Variants in PHLPP2 observed in about 807,000 individuals in gnomAD.
The protein encoded by PHLPP2 is PH domain and leucine rich repeat protein phosphatase 2.
Under a neutral mutation model 124.9 loss-of-function variants are expected in PHLPP2, and 66 were observed. The ratio of observed to expected loss-of-function variants is 0.53; its 90% CI spans 0.43 to 0.65. The LOEUF is 0.65. PHLPP2 is among the 30% of genes least tolerant of loss of function. The pLI is 0.00. For synonymous variants in PHLPP2, 681 were observed against 624.7 expected, an observed-to-expected ratio of 1.09 and a Z score of -1.34; for missense variants, 1,685 against 1,600.4, an observed-to-expected ratio of 1.05 and a Z score of -0.90.
intron 3 of PHLPP2, among the ~76,000 whole-genome samples, chr16:71,698,083 G>A (rs1178848413): frequency 2.6e-5 from 4 of 151,984 alleles, no homozygotes; most frequent in African/African-American, 9.7e-5. Context: ...TCCTGACCTC[G>A]TGATCCGCCT....
chr16:71,699,531 G>C (rs563551149), intron 3 of PHLPP2, among the ~76,000 whole-genome samples: 16 of 152,262 alleles, frequency 1.1e-4, no homozygotes, highest in African/African-American at 3.6e-4. Flanking sequence ...TCTTCACTGA[G>C]AGCTGCTTTC....
chr16:71,686,359 G>A (rs2045055044), intron 4 of PHLPP2, among the ~76,000 whole-genome samples: 5 of 151,978 alleles, frequency 3.3e-5, no homozygotes, highest in Admixed American at 3.3e-4. Flanking sequence ...TTTTTGTAGA[G>A]ACAGAGTCCC....
Position 71,690,556 on chromosome 16 carries a change from G to A in PHLPP2, c.572C>T (p.Thr191Ile), listed in dbSNP as rs757331662. ...LIVSSVKDCQ[T>I]GKMHILPLVG... Reference sequence around the variant, plus strand: ...CAGAGGCAAAATGTGCATCTTTCCAGTTTGACAATCCTTCACTGAGGAAAC... The same window carrying A: ...CAGAGGCAAAATGTGCATCTTTCCAATTTGACAATCCTTCACTGAGGAAAC... The change falls in exon 4 of 19, where the codon ACT becomes ATT. Residue 191 changes from threonine to isoleucine, a missense_variant. Physicochemically the swap from Thr to Ile is moderately conservative, Grantham distance 89 (BLOSUM62 -1). Coordinates refer to ENST00000568954, the MANE Select transcript of PHLPP2 (RefSeq NM_015020.3). The A allele has an allele frequency of 6.2e-7, 1 of 1,611,952 alleles. No individual in the cohort carries two copies. Among genetic ancestry groups the A allele is most frequent in the Non-Finnish European group, 8.5e-7 (1 of 1,179,132 alleles).
intron 2 of PHLPP2, among the ~76,000 whole-genome samples, chr16:71,712,426 T>C (rs1306973197): frequency 6.6e-6 from 1 of 152,240 alleles, no homozygotes; most frequent in Non-Finnish European, 1.5e-5. Flanking sequence ...CAACTACTAG[T>C]AGCAAGCCAT....
Position 71,722,403 on chromosome 16 carries a change from G to C in PHLPP2, c.-7+1926C>G, listed in dbSNP as rs542692075. The stretch of plus-strand genomic sequence containing the variant: ...GATCGAGTCACTGCACTCAGGCTTG[G>C]GTGACAGAGTGAGACCCTGTCTCAA... On this transcript the variant is annotated intron_variant, in intron 1 of 18. Transcript: ENST00000568954. 5.9e-5 allele frequency among the ~76,000 whole-genome samples: 9 copies of C among 152,200 alleles called. No homozygotes were observed. In the East Asian group the frequency reaches 1.7e-3, roughly 29 times the overall value.
intron 1 of PHLPP2, among the ~76,000 whole-genome samples, chr16:71,721,755 A>T (rs2045400051): frequency 6.6e-6 from 1 of 152,132 alleles, no homozygotes; most frequent in African/African-American, 2.4e-5. Flanking sequence ...AAAGTTAATC[A>T]TTACTAAAAA....
chr16:71,722,268 C>T (rs1231970139), intron 1 of PHLPP2, among the ~76,000 whole-genome samples: 3 of 152,040 alleles, frequency 2.0e-5, no homozygotes, highest in South Asian at 2.1e-4. Context: ...CCTGTCTCTA[C>T]TAAAAATACA....
chr16:71,705,148 A>G (rs1280898643), intron 2 of PHLPP2, among the ~76,000 whole-genome samples: 1 of 152,206 alleles, frequency 6.6e-6, no homozygotes, highest in Non-Finnish European at 1.5e-5. Context: ...TGTCACAGAC[A>G]TTTTAGAAGA....
rs1219736450 is a variant in PHLPP2, at chr16:71,646,964, G to A, written c.*1926C>T. The A allele has an allele frequency of 2.0e-5, 3 of 152,454 alleles. No homozygotes were observed. The highest frequency in any genetic ancestry group is 4.4e-5 in the Non-Finnish European group (3 of 68,020). 9.4% of individuals were successfully genotyped at this position (152,454 alleles called of 1,614,324 possible). A position where few individuals can be genotyped will look rare whatever the true frequency, so the allele number is the denominator to read the frequency against. On this transcript the variant is annotated 3_prime_UTR_variant, in exon 19 of 19. Coordinates refer to ENST00000568954, the MANE Select transcript of PHLPP2 (RefSeq NM_015020.3). ...CCAATGACACGTGCATATGAGCATG[G>A]GGCCTCTGAGAAGATGAAGACACAT...
intron 10 of PHLPP2, among the ~76,000 whole-genome samples, chr16:71,670,109 G>A (rs971601216): frequency 2.0e-5 from 3 of 152,204 alleles, no homozygotes; most frequent in African/African-American, 7.2e-5. Context: ...GGCCTGAGGT[G>A]AGGAGCACAT....
At chr16:71,698,559 T>C (rs974638010) in intron 3 of PHLPP2, 17 of 656,318 alleles carry the variant, frequency 2.6e-5, no homozygotes, top group Non-Finnish European at 4.6e-5. Flanking sequence ...TGAACATCCA[T>C]CTGAAAGGCC....
chr16:71,724,208 G>T (rs1166820253), intron 1 of PHLPP2, 121 bp downstream of exon 1: 1 of 152,282 alleles, frequency 6.6e-6, no homozygotes, highest in East Asian at 1.9e-4. Flanking sequence ...AAACCCGCGG[G>T]AGAAAGAAGC....
chr16:71,708,164 CACT>C (rs767175614), intron 2 of PHLPP2, among the ~76,000 whole-genome samples: 3 of 152,146 alleles, frequency 2.0e-5, no homozygotes, highest in South Asian at 2.1e-4. Flanking sequence ...AATACTCCAC[CACT>C]GTTTTGTTTT....
At chr16:71,658,496 G>A in intron 14 of PHLPP2, 133 bp from the exon 15 acceptor site, 1 of 1,174,948 alleles carries the variant, frequency 8.5e-7, no homozygotes, top group South Asian at 1.6e-5. Context: ...CATAAATTCT[G>A]GTCCCAAACT....
intron 11 of PHLPP2, among the ~76,000 whole-genome samples, chr16:71,667,820 T>C (rs2044852432): frequency 1.3e-5 from 2 of 152,232 alleles, no homozygotes; most frequent in South Asian, 4.1e-4. Flanking sequence ...TAGTAAATGG[T>C]AAAGTCTGGA....
intron 1 of PHLPP2, among the ~76,000 whole-genome samples, chr16:71,721,604 A>T (rs1388501173): frequency 6.6e-6 from 1 of 152,110 alleles, no homozygotes; most frequent in Non-Finnish European, 1.5e-5. Context: ...CTAAAAAAAA[A>T]TCTTTTTAAA....
chr16:71,690,804 C>G, intron 3 of PHLPP2, 95 bp from the exon 4 acceptor site: 2 of 804,932 alleles, frequency 2.5e-6, no homozygotes, highest in Non-Finnish European at 2.0e-6. Context: ...ATTCAACAAC[C>G]TTATTTATAG....
At position 71,651,777 on chromosome 16, in the gene PHLPP2, C is replaced by T. The variant is rs192255451; in HGVS notation, c.2817+1013G>A. On this transcript the variant is annotated intron_variant, in intron 18 of 18. Transcript: ENST00000568954. ...CAACTGATCTCTGAAAATCAAAGAG[C>T]AAAGACCATACAAAGGATAGTCTTT... Among the ~76,000 whole-genome samples the T allele has an allele frequency of 4.3e-3, 660 of 152,240 alleles. 1 individual carries two copies. Among genetic ancestry groups the T allele is most frequent in the Middle Eastern group, 0.014 (4 of 294 alleles).
chr16:71,654,990 A>C (rs967332852), intron 17 of PHLPP2: 1 of 449,390 alleles, frequency 2.2e-6, no homozygotes, highest in African/African-American at 1.9e-5. Flanking sequence ...CATTTTGCAC[A>C]TAAATTCTGG....
Sources: gnomAD v4.1 joint callset for allele counts (sites outside exome capture counted in the v4.1 genomes callset) on GRCh38, gnomAD v4.1.1 for gene constraint, MANE v1.5 for transcripts, NCBI Gene and HGNC (gene_info 2026-07-23, HGNC 2026-07-21) for gene names.